Variants in TACR3 observed in about 807,000 individuals in gnomAD.
TACR3 encodes the protein tachykinin receptor 3, also known as neuromedin-K receptor.
TACR3 carries 34 observed loss-of-function variants against 35.0 expected under a neutral mutation model. The observed-to-expected ratio is 0.97, with a 90% CI of 0.74 to 1.30. The LOEUF is 1.30. TACR3 is among the 50% of genes most tolerant of loss of function. The pLI, the probability that TACR3 is intolerant of heterozygous loss-of-function variation, is 0.00. For missense variants in TACR3, 558 were observed against 591.7 expected, an observed-to-expected ratio of 0.94 and a Z score of 0.59; for synonymous variants, 233 against 221.1, an observed-to-expected ratio of 1.05 and a Z score of -0.48.
At chr4:103,634,399 C>G (rs1004212631) in intron 3 of TACR3, among the ~76,000 whole-genome samples, 1 of 152,024 alleles carries the variant, frequency 6.6e-6, no homozygotes, top group African/African-American at 2.4e-5. Context: ...GAAACATAAA[C>G]AGTGAGAAGA....
chr4:103,687,034 A>G (rs1722262076), intron 1 of TACR3, among the ~76,000 whole-genome samples: 1 of 152,124 alleles, frequency 6.6e-6, no homozygotes. Flanking sequence ...AGCACATCAA[A>G]AAGCTTATCC....
At chr4:103,595,767 T>C (rs1235936785) in intron 3 of TACR3, among the ~76,000 whole-genome samples, 1 of 152,036 alleles carries the variant, frequency 6.6e-6, no homozygotes, top group African/African-American at 2.4e-5. Flanking sequence ...TTTATTATTA[T>C]ACTTTAAGTT....
chr4:103,620,901 T>TTAAAA (rs386418123), intron 3 of TACR3, among the ~76,000 whole-genome samples: 5 of 151,532 alleles, frequency 3.3e-5, no homozygotes, highest in Non-Finnish European at 7.4e-5. Flanking sequence ...TTTTAAAAAA[T>TTAAAA]AAAGATTCCA....
At chr4:103,684,393 A>T (rs550297015) in intron 1 of TACR3, among the ~76,000 whole-genome samples, 9 of 152,268 alleles carry the variant, frequency 5.9e-5, no homozygotes, top group Admixed American at 1.3e-4. Context: ...CAAGTGACAA[A>T]ATCAATGGTA....
intron 3 of TACR3, among the ~76,000 whole-genome samples, chr4:103,613,163 A>G (rs189655395): frequency 2.6e-4 from 39 of 152,302 alleles, no homozygotes; most frequent in African/African-American, 9.1e-4. Context: ...AAGTCTTTGT[A>G]TAGGCAAAGT....
In TACR3 at chr4:103,588,523, C is replaced by G. The variant is rs952220967; in HGVS notation, c.*1159G>C. 2 of 152,058 alleles carry G rather than the reference C, an allele frequency of 1.3e-5. No homozygotes were observed. The highest frequency in any genetic ancestry group is 4.8e-5 in the African/African-American group (2 of 41,434). 9.4% of individuals were successfully genotyped at this position (152,058 alleles called of 1,614,324 possible). A position where few individuals can be genotyped will look rare whatever the true frequency, so the allele number is the denominator to read the frequency against. On this transcript the variant is annotated 3_prime_UTR_variant, in exon 5 of 5. Coordinates refer to ENST00000304883, the MANE Select transcript of TACR3 (RefSeq NM_001059.3). The stretch of plus-strand genomic sequence containing the variant: ...ATCTCATTTCTTTCTGGTAAGACTT[C>G]TGAATAATCTAAGCAAATGAAAGAA...
chr4:103,632,165 C>T (rs746505084), intron 3 of TACR3, among the ~76,000 whole-genome samples: 36 of 152,072 alleles, frequency 2.4e-4, no homozygotes, highest in Non-Finnish European at 3.8e-4. Flanking sequence ...TAGAAATGCG[C>T]ATTCGTCTTA....
intron 1 of TACR3, among the ~76,000 whole-genome samples, chr4:103,669,717 A>G (rs979159598): frequency 6.6e-6 from 1 of 151,820 alleles, no homozygotes; most frequent in Non-Finnish European, 1.5e-5. Context: ...GAGGTATTTG[A>G]GTTTCTTATA....
chr4:103,712,731 A>G (rs1722999442), intron 1 of TACR3, among the ~76,000 whole-genome samples: 1 of 152,228 alleles, frequency 6.6e-6, no homozygotes, highest in Non-Finnish European at 1.5e-5. Flanking sequence ...CTCATCTGAC[A>G]AAGGGCTAAT....
At chr4:103,670,576 T>C (rs1403917725) in intron 1 of TACR3, among the ~76,000 whole-genome samples, 2 of 152,056 alleles carry the variant, frequency 1.3e-5, no homozygotes, top group Non-Finnish European at 2.9e-5. Context: ...TTTGTTGCTA[T>C]TATAAATGGG....
At chr4:103,640,234 T>C (rs1578238943) in intron 3 of TACR3, among the ~76,000 whole-genome samples, 2 of 152,108 alleles carry the variant, frequency 1.3e-5, no homozygotes, top group South Asian at 2.1e-4. Context: ...GTCCCCATTA[T>C]AAAATATTGC....
intron 3 of TACR3, among the ~76,000 whole-genome samples, chr4:103,648,427 C>T (rs1459443022): frequency 6.8e-6 from 1 of 147,316 alleles, no homozygotes; most frequent in Non-Finnish European, 1.5e-5. Flanking sequence ...TCCCACTTCA[C>T]CCCTACTTTC....
At chr4:103,606,658 TG>T (rs1333715558) in intron 3 of TACR3, among the ~76,000 whole-genome samples, 8 of 152,156 alleles carry the variant, frequency 5.3e-5, no homozygotes, top group African/African-American at 1.9e-4. Context: ...TTGTGATTTT[TG>T]TACATTGATT....
chr4:103,674,846 G>T (rs541544488), intron 1 of TACR3, among the ~76,000 whole-genome samples: 1 of 152,232 alleles, frequency 6.6e-6, no homozygotes, highest in African/African-American at 2.4e-5. Flanking sequence ...CACCGCGCCC[G>T]GCCTACATGT....
intron 1 of TACR3, among the ~76,000 whole-genome samples, chr4:103,695,245 G>A (rs1461886952): frequency 6.6e-6 from 1 of 152,042 alleles, no homozygotes; most frequent in Non-Finnish European, 1.5e-5. Context: ...AACTACACAG[G>A]TCCACTTATA....
At chr4:103,610,020 G>C (rs1724477045) in intron 3 of TACR3, among the ~76,000 whole-genome samples, 1 of 151,798 alleles carries the variant, frequency 6.6e-6, no homozygotes, top group Non-Finnish European at 1.5e-5. Flanking sequence ...TGCATCTCTT[G>C]GTGGACACTT....
intron 1 of TACR3, among the ~76,000 whole-genome samples, chr4:103,702,170 C>G (rs1287934214): frequency 6.6e-6 from 1 of 152,158 alleles, no homozygotes; most frequent in African/African-American, 2.4e-5. Flanking sequence ...GGGCTAATAT[C>G]CAGAATCTAC....
intron 3 of TACR3, among the ~76,000 whole-genome samples, chr4:103,599,601 T>C (rs71487678): frequency 6.6e-6 from 1 of 152,200 alleles, no homozygotes; most frequent in Non-Finnish European, 1.5e-5. Context: ...TTGTCATAGA[T>C]AGCTCTTATT....
At chr4:103,605,554 T>C (rs1724334696) in intron 3 of TACR3, among the ~76,000 whole-genome samples, 1 of 150,506 alleles carries the variant, frequency 6.6e-6, no homozygotes, top group Admixed American at 6.7e-5. Context: ...ATTGTGGTTT[T>C]GATTTGCATT....
Sources: allele counts gnomAD v4.1 joint callset (sites outside exome capture counted in the v4.1 genomes callset), GRCh38; gene constraint gnomAD v4.1.1; transcripts MANE v1.5; gene names NCBI Gene and HGNC (gene_info 2026-07-23, HGNC 2026-07-21).